Variants in NFIB observed in about 807,000 individuals in gnomAD.
NFIB encodes the protein nuclear factor 1 B-type.
A neutral mutation model predicts 61.5 loss-of-function variants in NFIB; 11 were observed. That is an observed-to-expected ratio of 0.18 (90% confidence interval 0.11 to 0.30). NFIB has a LOEUF of 0.30. Among genes scored for constraint, NFIB ranks in the 10% least tolerant of loss-of-function variants. NFIB has a pLI of 1.00. For synonymous variants in NFIB, 260 were observed against 216.5 expected, an observed-to-expected ratio of 1.20 and a Z score of -1.76; for missense variants, 471 against 608.9, an observed-to-expected ratio of 0.77 and a Z score of 2.38.
At chr9:14,097,510 G>C (rs974009638) in intron 10 of NFIB, among the ~76,000 whole-genome samples, 1 of 152,096 alleles carries the variant, frequency 6.6e-6, no homozygotes, top group Non-Finnish European at 1.5e-5. Context: ...TAGTGAATTC[G>C]CGGGGATGTT....
chr9:14,456,680 T>C, the NFIB span, among the ~76,000 whole-genome samples: 3 of 152,200 alleles, frequency 2.0e-5, no homozygotes, highest in Admixed American at 6.5e-5. Flanking sequence ...AGCTATTAGA[T>C]TGCAGAGATC....
chr9:14,418,634 G>A, the NFIB span, among the ~76,000 whole-genome samples: 1 of 152,172 alleles, frequency 6.6e-6, no homozygotes, highest in African/African-American at 2.4e-5. Flanking sequence ...ATTTTTGCAA[G>A]ACCCTATTAG....
chr9:14,108,754 C>T (rs570705859), intron 10 of NFIB, among the ~76,000 whole-genome samples: 4 of 151,804 alleles, frequency 2.6e-5, no homozygotes, highest in South Asian at 2.1e-4. Flanking sequence ...AAAATAAGAC[C>T]GATTTCTTAT....
chr9:14,174,017 C>CT (rs1318179374), intron 3 of NFIB, among the ~76,000 whole-genome samples: 2 of 152,172 alleles, frequency 1.3e-5, no homozygotes, highest in African/African-American at 4.8e-5. Flanking sequence ...GTTCTTCTGG[C>CT]TTTTTAAGAG....
At chr9:14,220,273 A>G (rs2131824035) in intron 2 of NFIB, among the ~76,000 whole-genome samples, 1 of 152,284 alleles carries the variant, frequency 6.6e-6, no homozygotes, top group East Asian at 1.9e-4. Flanking sequence ...AAAGGCTTAT[A>G]CCACAAAGAA....
At chr9:14,129,429 C>G (rs1038377584) in intron 6 of NFIB, among the ~76,000 whole-genome samples, 7 of 150,692 alleles carry the variant, frequency 4.6e-5, no homozygotes, top group Non-Finnish European at 8.9e-5. Flanking sequence ...AAAACACCCT[C>G]TCTAGACTAG....
chr9:14,525,259 C>A, the NFIB span, among the ~76,000 whole-genome samples: 1 of 152,142 alleles, frequency 6.6e-6, no homozygotes, highest in Non-Finnish European at 1.5e-5. Flanking sequence ...GGTCAAACAC[C>A]TTACCATGGT....
chr9:14,361,882 A>G (rs944981544), intron 1 of NFIB: 4 of 152,244 alleles, frequency 2.6e-5, no homozygotes, highest in Non-Finnish European at 5.9e-5. Context: ...CCATTAACAA[A>G]AAGGAGCTTT....
intron 1 of NFIB, among the ~76,000 whole-genome samples, chr9:14,346,015 C>T (rs2061013099): frequency 6.6e-6 from 1 of 152,178 alleles, no homozygotes. Flanking sequence ...CAGGGACCAG[C>T]CTAGCGGGTG....
the NFIB span, among the ~76,000 whole-genome samples, chr9:14,502,964 AACAT>A: frequency 6.6e-6 from 1 of 151,936 alleles, no homozygotes; most frequent in Non-Finnish European, 1.5e-5. Context: ...TATGAGTGCA[AACAT>A]ACAATGTTTT....
chr9:14,265,027 C>T (rs1346439497), intron 2 of NFIB, among the ~76,000 whole-genome samples: 1 of 152,130 alleles, frequency 6.6e-6, no homozygotes, highest in Non-Finnish European at 1.5e-5. Flanking sequence ...CAGGGGACAA[C>T]ATGAGACGCT....
At chr9:14,521,925 T>C in the NFIB span, among the ~76,000 whole-genome samples, 2 of 152,204 alleles carry the variant, frequency 1.3e-5, no homozygotes, top group East Asian at 1.9e-4. Flanking sequence ...TCCTCAGCAG[T>C]ATCTCCCCAT....
intron 1 of NFIB, among the ~76,000 whole-genome samples, chr9:14,312,473 T>G (rs2060326266): frequency 6.6e-6 from 1 of 152,170 alleles, no homozygotes; most frequent in Non-Finnish European, 1.5e-5. Context: ...CCTTTAGAGG[T>G]TTAAAATACT....
chr9:14,292,700 C>T (rs1343660917), intron 2 of NFIB, among the ~76,000 whole-genome samples: 1 of 152,196 alleles, frequency 6.6e-6, no homozygotes, highest in East Asian at 1.9e-4. Flanking sequence ...CTTCAGCAAG[C>T]TGCTTCAATC....
intron 10 of NFIB, among the ~76,000 whole-genome samples, chr9:14,108,083 G>T (rs753787532): frequency 6.6e-6 from 1 of 152,006 alleles, no homozygotes; most frequent in African/African-American, 2.4e-5. Context: ...CCATTATTTC[G>T]ACTGAAACTT....
intron 1 of NFIB, among the ~76,000 whole-genome samples, chr9:14,343,084 A>G (rs2060972017): frequency 6.6e-6 from 1 of 152,256 alleles, no homozygotes; most frequent in Middle Eastern, 3.4e-3. Flanking sequence ...AGGGGATGCC[A>G]CCATTTTGCC....
intron 2 of NFIB, among the ~76,000 whole-genome samples, chr9:14,255,592 C>A (rs189990239): frequency 6.6e-6 from 1 of 152,294 alleles, no homozygotes; most frequent in East Asian, 1.9e-4. Flanking sequence ...CATGGACATG[C>A]TTCAGTTTAT....
chr9:14,253,197 T>G (rs1161123231), intron 2 of NFIB, among the ~76,000 whole-genome samples: 1 of 152,230 alleles, frequency 6.6e-6, no homozygotes, highest in Non-Finnish European at 1.5e-5. Flanking sequence ...CTATTCAACA[T>G]GTCTTTTGTC....
At chr9:14,115,307 T>G (rs2037961537) in intron 9 of NFIB, among the ~76,000 whole-genome samples, 1 of 152,132 alleles carries the variant, frequency 6.6e-6, no homozygotes, top group African/African-American at 2.4e-5. Context: ...AAAAAAGGTT[T>G]GAATTGAAGA....
Sources: gnomAD v4.1 joint callset for allele counts (sites outside exome capture counted in the v4.1 genomes callset) on GRCh38, gnomAD v4.1.1 for gene constraint, MANE v1.5 for transcripts, NCBI Gene and HGNC (gene_info 2026-07-23, HGNC 2026-07-21) for gene names.